CAT: variants seen among roughly 807,000 people sequenced by gnomAD.
The protein encoded by CAT is catalase.
A neutral mutation model predicts 59.0 loss-of-function variants in CAT; 43 were observed. The observed-to-expected ratio is 0.73, with a 90% confidence interval of 0.57 to 0.94. CAT has a LOEUF of 0.94. CAT is among the 40% of genes least tolerant of loss of function. The probability of loss-of-function intolerance (pLI) is 0.00; values close to 1 mark genes in which losing one functional copy is unlikely to be tolerated. For missense variants in CAT, 664 were observed against 682.9 expected (o/e 0.97, Z 0.31); for synonymous variants, 218 against 230.9 (o/e 0.94, Z 0.51).
chr11:34,460,446 CTTTTTTTTTTTTT>C (rs149180752), intron 8 of CAT, among the ~76,000 whole-genome samples: 4 of 84,502 alleles, frequency 4.7e-5, no homozygotes, highest in Non-Finnish European at 6.6e-5. Context: ...GTGGGCGGTA[CTTTTTTTTTTTTT>C]TTTTTTTTTT....
intron 2 of CAT, among the ~76,000 whole-genome samples, chr11:34,450,229 G>A (rs1856507332): frequency 6.6e-6 from 1 of 152,222 alleles, no homozygotes; most frequent in African/African-American, 2.4e-5. Context: ...TTGCAACTAA[G>A]TTTAAATGAT....
intron 9 of CAT, among the ~76,000 whole-genome samples, chr11:34,463,366 C>A (rs766838150): frequency 3.9e-5 from 6 of 152,124 alleles, no homozygotes; most frequent in Non-Finnish European, 7.4e-5. Context: ...TTAAAAAATT[C>A]TTTGTTTATT....
At chr11:34,460,446 C>CCTTTTTTTTT (rs764827639) in intron 8 of CAT, among the ~76,000 whole-genome samples, 2 of 84,532 alleles carry the variant, frequency 2.4e-5, no homozygotes, top group Non-Finnish European at 2.2e-5. Flanking sequence ...GTGGGCGGTA[C>CCTTTTTTTTT]TTTTTTTTTT....
intron 1 of CAT, among the ~76,000 whole-genome samples, chr11:34,444,058 G>A (rs1856422683): frequency 6.6e-6 from 1 of 152,078 alleles, no homozygotes; most frequent in Non-Finnish European, 1.5e-5. Context: ...AAAGTCTGAG[G>A]AAGCTGAGAG....
intron 11 of CAT, among the ~76,000 whole-genome samples, chr11:34,469,557 G>A (rs1352356055): frequency 6.6e-6 from 1 of 152,090 alleles, no homozygotes; most frequent in African/African-American, 2.4e-5. Context: ...GTTTCTCAAT[G>A]TAAATCACTG....
chr11:34,440,864 G>A (rs1404919706), intron 1 of CAT, among the ~76,000 whole-genome samples: 1 of 152,044 alleles, frequency 6.6e-6, no homozygotes, highest in Admixed American at 6.6e-5. Flanking sequence ...ATTTTTAAAG[G>A]ACTCCCCTTT....
At position 34,439,024 on chromosome 11, in the gene CAT, G is replaced by C; in HGVS notation, c.11G>C (p.Ser4Thr). 8 of 1,594,460 alleles carry C rather than the reference G, an allele frequency of 5.0e-6. No homozygotes were observed. Among genetic ancestry groups the C allele is most frequent in the Non-Finnish European group, 6.8e-6 (8 of 1,170,550 alleles). MADSRDPASDQMQH... is the reference protein window; with the variant it reads MADTRDPASDQMQH... ...AGCAAACCGCACGCTATGGCTGACA[G>C]CCGGGATCCCGCCAGCGACCAGATG... Residue 4 changes from serine (S) to threonine (T), a missense_variant, in exon 1 of 13, where the codon AGC becomes ACC. By Grantham distance (58) the Ser-to-Thr change is moderately conservative. Coordinates refer to ENST00000241052, the MANE Select transcript of CAT (RefSeq NM_001752.4).
intron 11 of CAT, among the ~76,000 whole-genome samples, chr11:34,469,978 GT>G (rs372159779): frequency 1.3e-5 from 2 of 151,998 alleles, no homozygotes; most frequent in African/African-American, 4.8e-5. Context: ...GGTTGTATGG[GT>G]TTTTTTCCCC....
Position 34,456,092 on chromosome 11 carries a change from C to G in CAT, c.793C>G (p.Leu265Val), listed in dbSNP as rs1176493209. The G allele has an allele frequency of 6.8e-6, 11 of 1,614,058 alleles. No individual in the cohort carries two copies. Among genetic ancestry groups the G allele is most frequent in the East Asian group, 2.2e-5 (1 of 44,874 alleles). The change falls in exon 7 of 13, where the codon CTT becomes GTT. Residue 265 changes from leucine to valine, a missense_variant. Transcript: ENST00000241052. ...QEDPDYGIRD[L>V]FNAIATGKYP... ...AGATCCTGACTATGGCATCCGGGAT[C>G]TTTTTAACGCCATTGCCACAGGAAA...
chr11:34,460,861 G>A (rs17881567), intron 8 of CAT: 3,678 of 282,636 alleles, frequency 0.013, 137 homozygotes, highest in African/African-American at 0.076. Context: ...GGGGAATGAG[G>A]AGGAATAGAA....
chr11:34,470,147 C>T (rs1315602381), intron 11 of CAT, among the ~76,000 whole-genome samples: 2 of 152,202 alleles, frequency 1.3e-5, no homozygotes, highest in Non-Finnish European at 2.9e-5. Context: ...ATGCACACTT[C>T]TGCAGATTCT....
chr11:34,443,803 G>T (rs1037920975), intron 1 of CAT, among the ~76,000 whole-genome samples: 1 of 151,946 alleles, frequency 6.6e-6, no homozygotes, highest in African/African-American at 2.4e-5. Flanking sequence ...ATTTTTTTAG[G>T]GTAATCCTGG....
intron 11 of CAT, among the ~76,000 whole-genome samples, chr11:34,469,374 C>A (rs1023041632): frequency 6.6e-6 from 1 of 152,094 alleles, no homozygotes; most frequent in Non-Finnish European, 1.5e-5. Context: ...TGGGCTGGAA[C>A]CCTTGGCATT....
In CAT at chr11:34,471,438, G is replaced by C. The variant is rs2234940; in HGVS notation, c.*5G>C. On this transcript the variant is annotated 3_prime_UTR_variant, in exon 13 of 13. Transcript: ENST00000241052. ...AGGGAGAAGGCAAATCTGTGAGGCC[G>C]GGGCCCTGCACCTGTGCAGCGAAGC... 1.4e-3 allele frequency: 2,333 copies of C among 1,612,268 alleles called. 32 individuals are homozygous for C. The African/African-American group carries it at 0.022, about 15-fold the overall frequency.
intron 10 of CAT, among the ~76,000 whole-genome samples, chr11:34,464,494 A>T (rs1003798660): frequency 2.0e-4 from 31 of 152,148 alleles, no homozygotes; most frequent in African/African-American, 6.3e-4. Flanking sequence ...GGGAGGGGGC[A>T]TTGGGGAAAC....
intron 11 of CAT, among the ~76,000 whole-genome samples, chr11:34,468,826 C>T (rs374976237): frequency 1.8e-4 from 27 of 152,260 alleles, no homozygotes; most frequent in African/African-American, 4.8e-4. Context: ...ATGGGAGGAT[C>T]GCTTGAGCCC....
intron 10 of CAT, among the ~76,000 whole-genome samples, chr11:34,465,737 TA>T (rs1301367150): frequency 6.6e-6 from 1 of 152,192 alleles, no homozygotes; most frequent in East Asian, 1.9e-4. Context: ...TTTATTCTCT[TA>T]AAAATGATTC....
chr11:34,447,719 A>C (rs1342628177), intron 1 of CAT, among the ~76,000 whole-genome samples: 1 of 152,272 alleles, frequency 6.6e-6, no homozygotes, highest in Non-Finnish European at 1.5e-5. Context: ...TCATGTTCTC[A>C]CAGCCAGTGA....
intron 2 of CAT, among the ~76,000 whole-genome samples, chr11:34,449,837 G>T (rs1856501753): frequency 6.6e-6 from 1 of 152,172 alleles, no homozygotes; most frequent in African/African-American, 2.4e-5. Context: ...CTTTAAGAAA[G>T]ATTAGTAAAA....
Sources: allele counts gnomAD v4.1 joint callset (sites outside exome capture counted in the v4.1 genomes callset), GRCh38; gene constraint gnomAD v4.1.1; transcripts MANE v1.5; gene names NCBI Gene and HGNC (gene_info 2026-07-23, HGNC 2026-07-21).